The following NLGN1 variants were observed in gnomAD, a reference collection of about 807,000 sequenced individuals.
NLGN1 encodes the protein neuroligin-1.
In NLGN1, 12 loss-of-function variants were observed where a neutral mutation model predicts 65.5. The observed-to-expected ratio is 0.18, with a 90% confidence interval of 0.12 to 0.30. NLGN1 has a LOEUF of 0.30. NLGN1 is among the 10% of genes least tolerant of loss of function. The probability of loss-of-function intolerance (pLI) is 1.00; values close to 1 mark genes in which losing one functional copy is unlikely to be tolerated. For synonymous variants in NLGN1, 350 were observed against 359.5 expected (o/e 0.97, Z 0.30); for missense variants, 750 against 1,007.1 (o/e 0.74, Z 3.46).
At chr3:174,004,975 G>A (rs1724067742) in intron 4 of NLGN1, among the ~76,000 whole-genome samples, 1 of 152,038 alleles carries the variant, frequency 6.6e-6, no homozygotes, top group Admixed American at 6.6e-5. Flanking sequence ...AGCCTCTAAA[G>A]ATTATTTGAT....
intron 4 of NLGN1, among the ~76,000 whole-genome samples, chr3:173,917,424 A>T (rs1233033841): frequency 6.6e-6 from 1 of 152,228 alleles, no homozygotes; most frequent in East Asian, 1.9e-4. Flanking sequence ...AGTGATTGGC[A>T]TAACACCAGG....
intron 4 of NLGN1, among the ~76,000 whole-genome samples, chr3:174,144,195 T>G (rs531180218): frequency 6.6e-6 from 1 of 152,314 alleles, no homozygotes; most frequent in East Asian, 1.9e-4. Flanking sequence ...GTTAGTTTGC[T>G]GAGAATGATG....
At chr3:173,577,453 C>T (rs995398181) in intron 2 of NLGN1, among the ~76,000 whole-genome samples, 3 of 152,136 alleles carry the variant, frequency 2.0e-5, no homozygotes, top group Admixed American at 2.0e-4. Context: ...CTCCCTTCCT[C>T]CTAGTACAAT....
At chr3:173,462,800 T>C (rs998227757) in intron 2 of NLGN1, among the ~76,000 whole-genome samples, 2 of 152,186 alleles carry the variant, frequency 1.3e-5, no homozygotes, top group African/African-American at 4.8e-5. Context: ...TAATTTGTTT[T>C]CTTAAAAAAA....
intron 2 of NLGN1, among the ~76,000 whole-genome samples, chr3:173,532,466 T>C (rs535833723): frequency 5.3e-5 from 8 of 152,194 alleles, no homozygotes; most frequent in Non-Finnish European, 1.2e-4. Context: ...GGATAACCCA[T>C]AGTCGTCTTA....
At chr3:174,019,548 A>G (rs1727305419) in intron 4 of NLGN1, among the ~76,000 whole-genome samples, 2 of 152,226 alleles carry the variant, frequency 1.3e-5, no homozygotes, top group Admixed American at 1.3e-4. Context: ...AAAACAGACT[A>G]AGACAAACAT....
intron 3 of NLGN1, among the ~76,000 whole-genome samples, chr3:173,738,833 C>T (rs1401393712): frequency 6.6e-6 from 1 of 152,002 alleles, no homozygotes; most frequent in Admixed American, 6.6e-5. Context: ...TTGGAGAGTA[C>T]TGCCATCTTA....
downstream of NLGN1, among the ~76,000 whole-genome samples, chr3:174,289,828 C>A (rs1407711965): frequency 6.7e-6 from 1 of 149,592 alleles, no homozygotes. Context: ...GCATATAAAT[C>A]TCTACAAATA....
intron 4 of NLGN1, among the ~76,000 whole-genome samples, chr3:174,078,596 CA>C (rs1372425679): frequency 1.3e-5 from 2 of 151,980 alleles, no homozygotes; most frequent in Non-Finnish European, 2.9e-5. Context: ...TCACAAAGAC[CA>C]AAATGTAAAT....
At chr3:173,985,668 G>A (rs781479313) in intron 4 of NLGN1, among the ~76,000 whole-genome samples, 28 of 152,148 alleles carry the variant, frequency 1.8e-4, no homozygotes, top group Non-Finnish European at 3.2e-4. Context: ...AGAAACTATT[G>A]TGTGGGTGCA....
At chr3:173,982,369 CT>C (rs1456136547) in intron 4 of NLGN1, among the ~76,000 whole-genome samples, 1 of 151,852 alleles carries the variant, frequency 6.6e-6, no homozygotes, top group Non-Finnish European at 1.5e-5. Flanking sequence ...TACATATTTG[CT>C]TTTTCTTGAG....
intron 4 of NLGN1, among the ~76,000 whole-genome samples, chr3:173,841,463 T>A (rs1025943533): frequency 1.5e-4 from 23 of 152,206 alleles, no homozygotes; most frequent in African/African-American, 4.6e-4. Context: ...TGAATTCAGC[T>A]ATTTGTGTTT....
intron 4 of NLGN1, among the ~76,000 whole-genome samples, chr3:173,940,403 C>CT (rs1359645287): frequency 2.0e-5 from 3 of 152,036 alleles, no homozygotes; most frequent in Non-Finnish European, 4.4e-5. Flanking sequence ...ATAGTTATAT[C>CT]TTGTAGGTTC....
intron 2 of NLGN1, among the ~76,000 whole-genome samples, chr3:173,549,772 G>A (rs1220572252): frequency 6.6e-6 from 1 of 151,962 alleles, no homozygotes; most frequent in Non-Finnish European, 1.5e-5. Flanking sequence ...TTAACCCTTA[G>A]GATTTGAAGG....
chr3:173,569,656 T>C (rs2149326471), intron 2 of NLGN1, among the ~76,000 whole-genome samples: 1 of 152,200 alleles, frequency 6.6e-6, no homozygotes, highest in Non-Finnish European at 1.5e-5. Flanking sequence ...TTGCTGTTTC[T>C]TTTTTTCTGT....
At chr3:174,121,701 A>G (rs977735641) in intron 4 of NLGN1, among the ~76,000 whole-genome samples, 1 of 152,228 alleles carries the variant, frequency 6.6e-6, no homozygotes, top group Non-Finnish European at 1.5e-5. Context: ...AAAATAAACA[A>G]TAAGTTTTAA....
intron 2 of NLGN1, among the ~76,000 whole-genome samples, chr3:173,483,464 A>G (rs1203877258): frequency 6.6e-6 from 1 of 152,074 alleles, no homozygotes. Context: ...ATGTTATTCT[A>G]CTAGTCCCAC....
chr3:173,814,400 GC>G (rs1718608479), intron 4 of NLGN1, among the ~76,000 whole-genome samples: 1 of 152,180 alleles, frequency 6.6e-6, no homozygotes, highest in Admixed American at 6.5e-5. Flanking sequence ...ACTAAAATGA[GC>G]TCCTGGAATA....
chr3:173,975,295 T>C (rs1717185784), intron 4 of NLGN1, among the ~76,000 whole-genome samples: 1 of 151,960 alleles, frequency 6.6e-6, no homozygotes. Context: ...GGGGATCTCT[T>C]CCAAATCTCT....
Sources: allele counts gnomAD v4.1 joint callset (sites outside exome capture counted in the v4.1 genomes callset), GRCh38; gene constraint gnomAD v4.1.1; transcripts MANE v1.5; gene names NCBI Gene and HGNC (gene_info 2026-07-23, HGNC 2026-07-21).